TRAPPC9: variants seen among roughly 807,000 people sequenced by gnomAD.
TRAPPC9 encodes the protein trafficking protein particle complex subunit 9.
Under a neutral mutation model 124.0 loss-of-function variants are expected in TRAPPC9, and 83 were observed. That is an observed-to-expected ratio of 0.67 (90% CI 0.56 to 0.80). The LOEUF (loss-of-function observed/expected upper bound fraction) is 0.80, where lower values mean the gene tolerates loss of function less well. Ranked by LOEUF, TRAPPC9 falls within the 30% of genes least tolerant of loss-of-function variation. TRAPPC9 has a pLI of 0.00. For missense variants in TRAPPC9, 1,302 were observed against 1,508.3 expected (o/e 0.86, Z 2.27); for synonymous variants, 638 against 617.5 (o/e 1.03, Z -0.49).
intron 3 of TRAPPC9, among the ~76,000 whole-genome samples, chr8:140,435,486 A>T (rs1266811657): frequency 6.6e-6 from 1 of 152,212 alleles, no homozygotes; most frequent in Admixed American, 6.5e-5. Flanking sequence ...GGCAATGCAG[A>T]ACACTCTCAC....
In TRAPPC9 at chr8:139,817,470, G is replaced by T. The variant is rs1235144153; in HGVS notation, c.3055+68409C>A. The stretch of plus-strand genomic sequence containing the variant: ...AGGAGCAGGATGAGTCTGCGATTCA[G>T]TGCTGCTCCAGGCAGCCAGACCCAT... On this transcript the variant is annotated intron_variant, in intron 21 of 22. Coordinates refer to ENST00000438773, the MANE Select transcript of TRAPPC9 (RefSeq NM_001160372.4). 2.0e-5 allele frequency among the ~76,000 whole-genome samples: 3 copies of T among 152,312 alleles called. No homozygotes were observed. In the East Asian group the frequency reaches 5.8e-4, roughly 29 times the overall value.
chr8:140,409,451 G>A (rs987750600), intron 5 of TRAPPC9, among the ~76,000 whole-genome samples: 17 of 152,106 alleles, frequency 1.1e-4, no homozygotes, highest in African/African-American at 4.1e-4. Context: ...TCCACTTCTA[G>A]GAATTTACAC....
intron 2 of TRAPPC9, among the ~76,000 whole-genome samples, chr8:140,450,433 C>T (rs182864043): frequency 2.0e-4 from 31 of 152,246 alleles, no homozygotes; most frequent in South Asian, 1.9e-3. Flanking sequence ...TTATTCACAG[C>T]CCATCTCAAC....
At chr8:140,156,220 A>G (rs1280899681) in intron 17 of TRAPPC9, among the ~76,000 whole-genome samples, 1 of 152,248 alleles carries the variant, frequency 6.6e-6, no homozygotes, top group Non-Finnish European at 1.5e-5. Flanking sequence ...TCCCCTGAAG[A>G]AAATGATAAA....
In TRAPPC9 at chr8:140,248,344, A is replaced by G. The variant is rs75129934; in HGVS notation, c.2431+4433T>C. The stretch of plus-strand genomic sequence containing the variant: ...TGTTCTAGAGGAATTATTTGCACTC[A>G]TCTGCTACTGGAACATACAAACTCC... On this transcript the variant is annotated intron_variant, in intron 16 of 22. Coordinates refer to ENST00000438773, the MANE Select transcript of TRAPPC9 (RefSeq NM_001160372.4). Among the ~76,000 whole-genome samples, 1,126 of 152,334 alleles carry G rather than the reference A, an allele frequency of 7.4e-3. 20 individuals are homozygous for G. The highest frequency in any genetic ancestry group is 0.025 in the African/African-American group (1,051 of 41,576).
chr8:139,768,838 T>C (rs761475723), intron 21 of TRAPPC9, among the ~76,000 whole-genome samples: 3 of 152,242 alleles, frequency 2.0e-5, no homozygotes, highest in Non-Finnish European at 2.9e-5. Context: ...GGGGGGAATG[T>C]ATTTAGAGAC....
intron 20 of TRAPPC9, among the ~76,000 whole-genome samples, chr8:139,900,357 G>A (rs1384187132): frequency 6.6e-6 from 1 of 152,098 alleles, no homozygotes; most frequent in African/African-American, 2.4e-5. Context: ...TCTCTACCCT[G>A]GAAACCAACC....
At chr8:139,817,603 C>T (rs1870692) in intron 21 of TRAPPC9, among the ~76,000 whole-genome samples, 57,975 of 152,168 alleles carry the variant, frequency 0.38, 12,575 homozygotes, top group African/African-American at 0.58. Context: ...GGATGCGTCC[C>T]GGCAGCAGGC....
chr8:140,235,233 A>G (rs549050256), intron 16 of TRAPPC9, among the ~76,000 whole-genome samples: 59 of 152,222 alleles, frequency 3.9e-4, no homozygotes, highest in South Asian at 1.2e-3. Flanking sequence ...TTGGCCTTCC[A>G]AAGTGCTGGG....
intron 21 of TRAPPC9, among the ~76,000 whole-genome samples, chr8:139,746,944 C>A (rs1818935555): frequency 6.6e-6 from 1 of 152,198 alleles, no homozygotes; most frequent in African/African-American, 2.4e-5. Flanking sequence ...TCCCCTTCAA[C>A]CTTCTCTTTT....
intron 8 of TRAPPC9, 29 bp from the exon 9 acceptor site, chr8:140,360,222 A>G (rs369623206): frequency 7.4e-5 from 120 of 1,613,844 alleles, no homozygotes; most frequent in Non-Finnish European, 9.8e-5. Context: ...AACATCACAA[A>G]AGTGCTTGGA....
chr8:139,992,370 A>T (rs1324835774), intron 18 of TRAPPC9, among the ~76,000 whole-genome samples: 2 of 152,030 alleles, frequency 1.3e-5, no homozygotes. Context: ...CATTATACTC[A>T]CCAAGTGAGC....
At chr8:139,731,693 A>G (rs1477091165) in intron 22 of TRAPPC9, among the ~76,000 whole-genome samples, 2 of 152,104 alleles carry the variant, frequency 1.3e-5, no homozygotes, top group Non-Finnish European at 2.9e-5. Context: ...GCAGGGTCCA[A>G]TCATGGAGCA....
At chr8:140,440,304 G>A (rs1013992455) in intron 2 of TRAPPC9, among the ~76,000 whole-genome samples, 10 of 151,968 alleles carry the variant, frequency 6.6e-5, no homozygotes, top group Non-Finnish European at 1.3e-4. Flanking sequence ...TCAGGAGATC[G>A]AGACCATCCT....
At chr8:140,374,558 G>A (rs2068379226) in intron 7 of TRAPPC9, among the ~76,000 whole-genome samples, 1 of 150,396 alleles carries the variant, frequency 6.6e-6, no homozygotes, top group Non-Finnish European at 1.5e-5. Flanking sequence ...CAACAAGAGT[G>A]AAACTCCATG....
chr8:139,819,433 T>C (rs991410774), intron 21 of TRAPPC9, among the ~76,000 whole-genome samples: 2 of 152,118 alleles, frequency 1.3e-5, no homozygotes, highest in Admixed American at 6.5e-5. Flanking sequence ...CATGGAAAAA[T>C]GGCCTTCCAA....
chr8:140,314,398 C>T (rs2066390392), intron 9 of TRAPPC9, among the ~76,000 whole-genome samples: 2 of 152,192 alleles, frequency 1.3e-5, no homozygotes, highest in Admixed American at 6.5e-5. Flanking sequence ...GTATAACAAT[C>T]AAATCAGGGT....
chr8:140,417,934 C>T (rs1173469993), intron 5 of TRAPPC9, among the ~76,000 whole-genome samples: 1 of 152,138 alleles, frequency 6.6e-6, no homozygotes, highest in Non-Finnish European at 1.5e-5. Flanking sequence ...AGCTAGAAAC[C>T]ATCATTCTCA....
intron 9 of TRAPPC9, among the ~76,000 whole-genome samples, chr8:140,345,145 G>A (rs2067305184): frequency 6.6e-6 from 1 of 152,248 alleles, no homozygotes; most frequent in South Asian, 2.1e-4. Context: ...CATTCCTGAA[G>A]CCCCAGGGCC....
Sources: allele counts gnomAD v4.1 joint callset (sites outside exome capture counted in the v4.1 genomes callset), GRCh38; gene constraint gnomAD v4.1.1; transcripts MANE v1.5; gene names NCBI Gene and HGNC (gene_info 2026-07-23, HGNC 2026-07-21).